VAV1: variants seen among roughly 807,000 people sequenced by gnomAD.
The protein encoded by VAV1 is proto-oncogene vav.
A neutral mutation model predicts 128.1 loss-of-function variants in VAV1; 33 were observed. That is an observed-to-expected ratio of 0.26 (90% CI 0.20 to 0.34). The LOEUF (loss-of-function observed/expected upper bound fraction) is 0.34. Ranked by LOEUF, VAV1 falls within the 10% of genes least tolerant of loss-of-function variation. The probability of loss-of-function intolerance (pLI) is 1.00; values close to 1 mark genes in which losing one functional copy is unlikely to be tolerated. For synonymous variants in VAV1, 394 were observed against 409.8 expected, an observed-to-expected ratio of 0.96 and a Z score of 0.47; for missense variants, 715 against 1,093.7, an observed-to-expected ratio of 0.65 and a Z score of 4.88.
chr19:6,786,834 G>T (rs691486), intron 1 of VAV1, among the ~76,000 whole-genome samples: 29,329 of 151,708 alleles, frequency 0.19, 2,978 homozygotes, highest in African/African-American at 0.26. Flanking sequence ...ACTTTTCTTG[G>T]TATTGATTTG....
At position 6,822,451 on chromosome 19, in the gene VAV1, C is replaced by A; in HGVS notation, c.591C>A (p.Cys197Ter). The A allele has an allele frequency of 6.4e-7, 1 of 1,563,200 alleles. No homozygotes were observed. Among genetic ancestry groups the A allele is most frequent in the Non-Finnish European group, 8.7e-7 (1 of 1,155,900 alleles). ...PKMTEYDKRCCCLREIQQTEE... is the reference protein window; with the variant it reads ...PKMTEYDKRC ...TGACAGAGTATGACAAGCGCTGCTGCTGCCTGCGGGAGATCCAGCAGACGG... is the reference window on the plus strand; with the variant it reads ...TGACAGAGTATGACAAGCGCTGCTGATGCCTGCGGGAGATCCAGCAGACGG... Residue 197 changes from cysteine (C) to a stop codon, truncating the protein, a stop_gained, in exon 6 of 27, where the codon TGC becomes TGA. Coordinates refer to ENST00000602142, the MANE Select transcript of VAV1 (RefSeq NM_005428.4). LOFTEE classifies it high-confidence loss of function. The surrounding 1 kb of genome is among the most constrained non-coding windows in gnomAD (Gnocchi z 5.9).
chr19:6,786,247 G>C (rs1183870728), intron 1 of VAV1, among the ~76,000 whole-genome samples: 1 of 152,018 alleles, frequency 6.6e-6, no homozygotes, highest in Non-Finnish European at 1.5e-5. Context: ...GATTCTAATT[G>C]CTTCATTCAT....
intron 1 of VAV1, among the ~76,000 whole-genome samples, chr19:6,795,932 C>T (rs1971122856): frequency 6.6e-6 from 1 of 152,180 alleles, no homozygotes; most frequent in South Asian, 2.1e-4. Context: ...ATCCGCCCGT[C>T]TCAGCCTCCC....
In VAV1 at chr19:6,820,867, T is replaced by C. The variant is rs1458687510; in HGVS notation, c.321+49T>C. ...AAGACTGAGTTTCAGTTAATTTCTA[T>C]TGACGTCTACACTGGGCAAGCTAAG... is the stretch of plus-strand genomic sequence containing the variant. On this transcript the variant is annotated intron_variant, in intron 2 of 26. Coordinates refer to ENST00000602142, the MANE Select transcript of VAV1 (RefSeq NM_005428.4). The surrounding 1 kb of genome is among the most constrained non-coding windows in gnomAD (Gnocchi z 4.4). 8.3e-6 allele frequency: 13 copies of C among 1,564,700 alleles called. No individual in the cohort carries two copies. The South Asian group carries it at 1.4e-4, about 17-fold the overall frequency.
Position 6,772,856 on chromosome 19 carries a change from C to T in VAV1, c.49C>T (p.Leu17=), listed in dbSNP as rs773601812. The change falls in exon 1 of 27, where the codon CTG becomes TTG. Residue 17 remains leucine, a synonymous_variant. Transcript: ENST00000602142. This position sits in a 1 kb window ranked among gnomAD's most constrained non-coding sequence, Gnocchi z 4.8. ...CCACTGGCTCATCCAGTGCCGGGTG[C>T]TGCCGCCCAGCCACCGCGTGACCTG... ...CTHWLIQCRV[L]PPSHRVTWDG... 6.2e-7 allele frequency: 1 copy of T among 1,614,050 alleles called. No individual in the cohort carries two copies. The highest frequency in any genetic ancestry group is 1.1e-5 in the South Asian group (1 of 91,086).
At chr19:6,836,855 C>CG in intron 20 of VAV1, 130 bp from the exon 21 acceptor site, 3 of 51,612 alleles carry the variant, frequency 5.8e-5, no homozygotes, top group South Asian at 5.8e-4. Flanking sequence ...CACACACACA[C>CG]ACACACACAC....
At chr19:6,846,628 T>C (rs1231274039) in intron 22 of VAV1, among the ~76,000 whole-genome samples, 2 of 148,910 alleles carry the variant, frequency 1.3e-5, no homozygotes, top group Non-Finnish European at 3.0e-5. Flanking sequence ...ATGTTGCCCA[T>C]TTACATTTAT....
intron 1 of VAV1, among the ~76,000 whole-genome samples, chr19:6,781,595 C>A (rs1970767243): frequency 6.7e-6 from 1 of 149,344 alleles, no homozygotes; most frequent in African/African-American, 2.5e-5. Context: ...AACTACTGAC[C>A]TTTTCTCTTA....
At chr19:6,791,814 G>C (rs1414522481) in intron 1 of VAV1, among the ~76,000 whole-genome samples, 1 of 152,156 alleles carries the variant, frequency 6.6e-6, no homozygotes, top group Non-Finnish European at 1.5e-5. Context: ...GGAAAGCTGA[G>C]AGCTGCAGGA....
intron 19 of VAV1, among the ~76,000 whole-genome samples, 156 bp downstream of exon 19, chr19:6,834,109 G>T (rs1008674251): frequency 6.6e-6 from 1 of 151,802 alleles, no homozygotes; most frequent in Non-Finnish European, 1.5e-5. Flanking sequence ...GGCCAAGGCG[G>T]GAGGATCGCT....
chr19:6,848,082 G>A lies in VAV1; in HGVS notation c.2097G>A (p.Val699=). Residue 699 remains valine (V), a synonymous_variant, in exon 23 of 27, where the codon GTG becomes GTA. Transcript: ENST00000602142. ...GGACTTTCTTGGTGCGGCAGAGGGT[G>A]AAGGATGCAGCAGAATTTGCCATCA... is the stretch of plus-strand genomic sequence containing the variant. ...SDGTFLVRQR[V]KDAAEFAISI... The A allele has an allele frequency of 6.4e-7, 1 of 1,556,044 alleles. No individual in the cohort carries two copies.
intron 1 of VAV1, among the ~76,000 whole-genome samples, chr19:6,801,037 G>C (rs78854136): frequency 1.3e-5 from 2 of 152,094 alleles, no homozygotes; most frequent in African/African-American, 4.8e-5. Context: ...TGTGCTTCCC[G>C]GCACACCCTC....
At chr19:6,792,363 G>T (rs1397751087) in intron 1 of VAV1, among the ~76,000 whole-genome samples, 1 of 151,562 alleles carries the variant, frequency 6.6e-6, no homozygotes, top group African/African-American at 2.4e-5. Context: ...TTCCAGGAAG[G>T]CAAGAATTAA....
intron 1 of VAV1, among the ~76,000 whole-genome samples, chr19:6,775,572 T>A (rs1052371152): frequency 1.8e-4 from 27 of 152,198 alleles, no homozygotes; most frequent in Non-Finnish European, 3.2e-4. Context: ...TGTGCCCAGC[T>A]GTATCAGGCT....
intron 1 of VAV1, chr19:6,816,437 T>C (rs1158604126): frequency 6.6e-6 from 1 of 151,894 alleles, no homozygotes; most frequent in Non-Finnish European, 1.5e-5. Flanking sequence ...CAGTGAGCTA[T>C]GATTGCATCG....
At chr19:6,814,716 C>CTTTCTTTT (rs1555701505) in intron 1 of VAV1, among the ~76,000 whole-genome samples, 176 of 132,020 alleles carry the variant, frequency 1.3e-3, no homozygotes, top group Middle Eastern at 3.6e-3. Context: ...TTCTTTCTTT[C>CTTTCTTTT]TTTCTTTCTT....
chr19:6,845,758 TTTACA>T (rs1455555272), intron 22 of VAV1, among the ~76,000 whole-genome samples: 5 of 148,352 alleles, frequency 3.4e-5, no homozygotes, highest in Admixed American at 2.7e-4. Flanking sequence ...ACCTATTTAC[TTTACA>T]TTATATTATA....
chr19:6,821,399 A>T (rs548805949), intron 2 of VAV1, among the ~76,000 whole-genome samples: 1 of 151,848 alleles, frequency 6.6e-6, no homozygotes, highest in East Asian at 1.9e-4. Flanking sequence ...AGACTCCGTT[A>T]AAAAAAATAC....
At chr19:6,778,445 A>G (rs893681518) in intron 1 of VAV1, among the ~76,000 whole-genome samples, 4 of 152,054 alleles carry the variant, frequency 2.6e-5, no homozygotes, top group African/African-American at 9.7e-5. Context: ...CAGTTAGAGT[A>G]GGGGGTGGAC....
Sources: gnomAD v4.1 joint callset for allele counts (sites outside exome capture counted in the v4.1 genomes callset) on GRCh38, gnomAD v4.1.1 for gene constraint, Gnocchi (gnomAD v3.1) non-coding constraint, MANE v1.5 for transcripts, NCBI Gene and HGNC (gene_info 2026-07-23, HGNC 2026-07-21) for gene names.